The following TAOK1 variants were observed in gnomAD, a reference collection of about 807,000 sequenced individuals.
TAOK1 encodes serine/threonine-protein kinase TAO1.
Under a neutral mutation model 138.3 loss-of-function variants are expected in TAOK1, and 21 were observed. The ratio of observed to expected loss-of-function variants is 0.15; its 90% confidence interval spans 0.11 to 0.22. TAOK1 has a LOEUF of 0.22. Among genes scored for constraint, TAOK1 ranks in the 10% least tolerant of loss-of-function variants. The pLI is 1.00. For missense variants in TAOK1, 651 were observed against 1,227.7 expected (o/e 0.53, Z 7.02); for synonymous variants, 361 against 398.4 (o/e 0.91, Z 1.12).
At chr17:29,424,557 A>G (rs1905574655) in intron 1 of TAOK1, among the ~76,000 whole-genome samples, 1 of 152,098 alleles carries the variant, frequency 6.6e-6, no homozygotes, top group Non-Finnish European at 1.5e-5. Context: ...GCTAAAGTAT[A>G]GAAGTTGGGT....
At chr17:29,453,381 G>A (rs1406735369) in intron 2 of TAOK1, among the ~76,000 whole-genome samples, 2 of 151,790 alleles carry the variant, frequency 1.3e-5, no homozygotes, top group East Asian at 1.9e-4. Flanking sequence ...AGATGGTCTC[G>A]ATCTCCTATA....
chr17:29,418,664 A>G (rs1180342774), intron 1 of TAOK1, among the ~76,000 whole-genome samples: 1 of 152,084 alleles, frequency 6.6e-6, no homozygotes, highest in Non-Finnish European at 1.5e-5. Flanking sequence ...TCTTCTGTAG[A>G]TTACTTATAA....
intron 1 of TAOK1, among the ~76,000 whole-genome samples, chr17:29,411,265 G>T (rs1905136920): frequency 7.0e-6 from 1 of 143,300 alleles, no homozygotes; most frequent in East Asian, 2.2e-4. Context: ...CTAATTTTTT[G>T]TATTTTTAGT....
chr17:29,399,457 A>T (rs1240231240), intron 1 of TAOK1, among the ~76,000 whole-genome samples: 1 of 151,742 alleles, frequency 6.6e-6, no homozygotes, highest in African/African-American at 2.4e-5. Context: ...CTGGGACTAC[A>T]GGCGCCCGCC....
At chr17:29,472,449 T>C (rs1030455805) in intron 3 of TAOK1, among the ~76,000 whole-genome samples, 2 of 152,016 alleles carry the variant, frequency 1.3e-5, no homozygotes, top group Admixed American at 6.6e-5. Context: ...GACAGGGTTT[T>C]GCCATGTTGG....
chr17:29,425,313 T>C (rs1178295357), intron 1 of TAOK1, among the ~76,000 whole-genome samples: 1 of 152,196 alleles, frequency 6.6e-6, no homozygotes, highest in Admixed American at 6.5e-5. Context: ...CTTCAAATGA[T>C]TCTCCTGCCT....
At chr17:29,450,504 C>T (rs2030204119) in intron 1 of TAOK1, among the ~76,000 whole-genome samples, 1 of 151,974 alleles carries the variant, frequency 6.6e-6, no homozygotes, top group South Asian at 2.1e-4. Flanking sequence ...TTAATTATGA[C>T]ATCCAGTTTT....
chr17:29,418,823 G>A (rs117146994), intron 1 of TAOK1, among the ~76,000 whole-genome samples: 2,584 of 152,072 alleles, frequency 0.017, 28 homozygotes, highest in Middle Eastern at 0.034. Flanking sequence ...ATCCAGGAAC[G>A]TGGAACTAAG....
chr17:29,509,113 G>A (rs2153029342), intron 14 of TAOK1, among the ~76,000 whole-genome samples: 1 of 151,964 alleles, frequency 6.6e-6, no homozygotes, highest in African/African-American at 2.4e-5. Context: ...ATGAAACAAT[G>A]TATACATATT....
At chr17:29,422,338 G>A (rs1598474409) in intron 1 of TAOK1, among the ~76,000 whole-genome samples, 1 of 151,962 alleles carries the variant, frequency 6.6e-6, no homozygotes, top group African/African-American at 2.4e-5. Context: ...TGAGTAGCTG[G>A]AACTACAGGC....
At chr17:29,440,818 T>C (rs1276691876) in intron 1 of TAOK1, among the ~76,000 whole-genome samples, 2 of 152,164 alleles carry the variant, frequency 1.3e-5, no homozygotes, top group Admixed American at 1.3e-4. Context: ...TCAGGTGATC[T>C]GGCCACCTTG....
intron 1 of TAOK1, among the ~76,000 whole-genome samples, chr17:29,407,257 G>A (rs1338207992): frequency 6.6e-6 from 1 of 152,006 alleles, no homozygotes; most frequent in Non-Finnish European, 1.5e-5. Context: ...AAAGTGCTGG[G>A]ATTACAGGCA....
In TAOK1 at chr17:29,390,852, C is replaced by T. The variant is rs1320656732; in HGVS notation, c.-267C>T. ...CCCCCCCCACCCCCCGCCGCCGCCG[C>T]CCCTTGTTGCAGAGCTTGGGCTGGG... On this transcript the variant is annotated 5_prime_UTR_variant, in exon 1 of 20. Coordinates refer to ENST00000261716, the MANE Select transcript of TAOK1 (RefSeq NM_020791.4). The T allele has an allele frequency of 6.6e-6, 1 of 151,996 alleles. No individual in the cohort carries two copies. The highest frequency in any genetic ancestry group is 1.5e-5 in the Non-Finnish European group (1 of 67,968). 9.4% of individuals were successfully genotyped at this position (151,996 alleles called of 1,614,324 possible).
rs1220509285 is a variant in TAOK1, at chr17:29,434,112, T to G, written c.-94-17343T>G. Among the ~76,000 whole-genome samples, 3 of 152,270 alleles carry G rather than the reference T, an allele frequency of 2.0e-5. No homozygotes were observed. The East Asian group carries it at 5.8e-4, about 29-fold the overall frequency. On this transcript the variant is annotated intron_variant, in intron 1 of 19. Coordinates refer to ENST00000261716, the MANE Select transcript of TAOK1 (RefSeq NM_020791.4). The stretch of plus-strand genomic sequence containing the variant: ...AAATACTGAGGCCTTTTACCAATTT[T>G]CACAGGGAGAGGGAGGCCAAAAACC...
chr17:29,455,478 A>T (rs1186806381), intron 2 of TAOK1, among the ~76,000 whole-genome samples: 1 of 150,388 alleles, frequency 6.6e-6, no homozygotes, highest in Non-Finnish European at 1.5e-5. Flanking sequence ...TCCTGTCTTG[A>T]TACCCTGGGC....
chr17:29,419,492 A>ATTT (rs34608877), intron 1 of TAOK1, among the ~76,000 whole-genome samples: 31 of 137,748 alleles, frequency 2.3e-4, no homozygotes, highest in African/African-American at 7.3e-4. Context: ...GCCCGGCAGT[A>ATTT]TTTTTTTTTT....
intron 17 of TAOK1, among the ~76,000 whole-genome samples, chr17:29,525,828 C>A (rs1019172316): frequency 5.9e-5 from 9 of 152,200 alleles, no homozygotes; most frequent in Non-Finnish European, 1.5e-5. Context: ...GAAACCTCGT[C>A]TCTACTAAAA....
At chr17:29,499,296 A>G (rs1185630694) in intron 12 of TAOK1, among the ~76,000 whole-genome samples, 3 of 148,002 alleles carry the variant, frequency 2.0e-5, no homozygotes, top group East Asian at 2.0e-4. Flanking sequence ...AGTGGCCACA[A>G]TCTTGACCCA....
At chr17:29,424,436 CAAAAAAAAAAA>C (rs781589064) in intron 1 of TAOK1, among the ~76,000 whole-genome samples, 1 of 72,008 alleles carries the variant, frequency 1.4e-5, no homozygotes, top group Non-Finnish European at 2.7e-5. Context: ...GACTCCCTCT[CAAAAAAAAAAA>C]AAAAAAAAAA....
Sources: gnomAD v4.1 joint callset for allele counts (sites outside exome capture counted in the v4.1 genomes callset) on GRCh38, gnomAD v4.1.1 for gene constraint, MANE v1.5 for transcripts, NCBI Gene and HGNC (gene_info 2026-07-23, HGNC 2026-07-21) for gene names.